AFG3L2: variants seen among roughly 807,000 people sequenced by gnomAD.
AFG3L2 encodes AFG3 like matrix AAA peptidase subunit 2.
Under a neutral mutation model 94.5 loss-of-function variants are expected in AFG3L2, and 54 were observed. The observed-to-expected ratio is 0.57, with a 90% CI of 0.46 to 0.72. AFG3L2 has a LOEUF of 0.72. AFG3L2 is among the 30% of genes least tolerant of loss of function. The probability of loss-of-function intolerance (pLI) is 0.00; values close to 1 mark genes in which losing one functional copy is unlikely to be tolerated. For synonymous variants in AFG3L2, 377 were observed against 365.5 expected (o/e 1.03, Z -0.36); for missense variants, 754 against 994.9 (o/e 0.76, Z 3.26).
At chr18:12,365,205 G>C (rs1908769040) in intron 5 of AFG3L2, among the ~76,000 whole-genome samples, 1 of 152,178 alleles carries the variant, frequency 6.6e-6, no homozygotes, top group South Asian at 2.1e-4. Context: ...GACTGGCACT[G>C]CTCCACCCCA....
At chr18:12,333,272 A>G (rs1401003549) in intron 16 of AFG3L2, among the ~76,000 whole-genome samples, 2 of 126,956 alleles carry the variant, frequency 1.6e-5, no homozygotes, top group Non-Finnish European at 1.6e-5. Context: ...TATATTATAA[A>G]TATAGATTAT....
chr18:12,375,067 AAAAAG>A (rs922501379), intron 1 of AFG3L2, among the ~76,000 whole-genome samples: 11 of 151,326 alleles, frequency 7.3e-5, no homozygotes, highest in Non-Finnish European at 1.5e-4. Context: ...AAAAAAAAAA[AAAAAG>A]AAAAGAAAAG....
At chr18:12,352,292 G>A (rs1482450305) in intron 10 of AFG3L2, among the ~76,000 whole-genome samples, 1 of 152,180 alleles carries the variant, frequency 6.6e-6, no homozygotes, top group South Asian at 2.1e-4. Flanking sequence ...GCGGGACGGA[G>A]GAGGCTTTCT....
At chr18:12,354,311 A>C (rs1908422880) in intron 9 of AFG3L2, among the ~76,000 whole-genome samples, 1 of 151,996 alleles carries the variant, frequency 6.6e-6, no homozygotes, top group Non-Finnish European at 1.5e-5. Flanking sequence ...CATCCATCCC[A>C]TCCCGGCATG....
chr18:12,364,961 C>T (rs932647964), intron 5 of AFG3L2, among the ~76,000 whole-genome samples: 5 of 152,186 alleles, frequency 3.3e-5, no homozygotes, highest in East Asian at 1.9e-4. Flanking sequence ...TGAGCCACCA[C>T]GGCCAGCCTA....
rs143902541 is a variant in AFG3L2 at position 12,351,553 on chromosome 18, T to G, written c.1319-140A>C. The stretch of plus-strand genomic sequence containing the variant: ...ATTCATTATCTAGTGTTTTTTGTTT[T>G]TTTTTTTTTTGAGACGGAGTTTCAC... On this transcript the variant is annotated intron_variant, in intron 10 of 16. Transcript: ENST00000269143. The G allele has an allele frequency of 1.0e-3, 823 of 813,228 alleles. 7 individuals carry two copies. The East Asian group carries it at 0.02, about 20-fold the overall frequency. The allele number at this position is 813,228 out of a possible 1,614,324, so 50.4% of individuals were successfully genotyped here. A position where few individuals can be genotyped will look rare whatever the true frequency, so the allele number is the denominator to read the frequency against.
intron 1 of AFG3L2, among the ~76,000 whole-genome samples, chr18:12,374,232 C>T (rs1043001227): frequency 6.6e-6 from 1 of 152,142 alleles, no homozygotes; most frequent in Non-Finnish European, 1.5e-5. Flanking sequence ...GTCTAGCATT[C>T]AAAGAATAAT....
intron 9 of AFG3L2, among the ~76,000 whole-genome samples, chr18:12,355,733 A>T (rs1908473605): frequency 6.6e-6 from 1 of 150,714 alleles, no homozygotes; most frequent in Non-Finnish European, 1.5e-5. Flanking sequence ...CAGTGGCGTG[A>T]TCTCAGCTCA....
intron 6 of AFG3L2, among the ~76,000 whole-genome samples, chr18:12,360,635 T>G (rs940859087): frequency 6.6e-6 from 1 of 152,150 alleles, no homozygotes; most frequent in Non-Finnish European, 1.5e-5. Flanking sequence ...CTCTTTATTC[T>G]CTAGAGCTGC....
At chr18:12,365,429 T>C (rs907811443) in intron 5 of AFG3L2, among the ~76,000 whole-genome samples, 1 of 152,106 alleles carries the variant, frequency 6.6e-6, no homozygotes, top group Non-Finnish European at 1.5e-5. Context: ...CTCACTTTCA[T>C]AAGATAAACA....
intron 16 of AFG3L2, among the ~76,000 whole-genome samples, chr18:12,332,752 T>A (rs1013083769): frequency 1.3e-5 from 2 of 149,600 alleles, no homozygotes; most frequent in Non-Finnish European, 3.0e-5. Flanking sequence ...GCTCTGATTT[T>A]AAAAATATAT....
At chr18:12,350,851 G>C (rs1908292121) in intron 12 of AFG3L2, among the ~76,000 whole-genome samples, 1 of 152,178 alleles carries the variant, frequency 6.6e-6, no homozygotes, top group Non-Finnish European at 1.5e-5. Flanking sequence ...ACAAGGCTGA[G>C]ACAGGAGGAT....
chr18:12,356,608 G>A (rs1246131027), intron 9 of AFG3L2, 86 bp downstream of exon 9: 5 of 1,586,406 alleles, frequency 3.2e-6, no homozygotes, highest in Non-Finnish European at 4.3e-6. Flanking sequence ...ACTCTAGGGG[G>A]AAGGGCCATC....
chr18:12,345,536 G>C (rs1282753994), intron 13 of AFG3L2, among the ~76,000 whole-genome samples: 1 of 152,220 alleles, frequency 6.6e-6, no homozygotes, highest in Non-Finnish European at 1.5e-5. Flanking sequence ...CAAAACAGGA[G>C]TTAAGTCTGT....
intron 15 of AFG3L2, among the ~76,000 whole-genome samples, chr18:12,339,157 C>T (rs569660453): frequency 7.6e-6 from 1 of 131,534 alleles, no homozygotes; most frequent in African/African-American, 2.9e-5. Flanking sequence ...AGGAGAATGG[C>T]GTGAACCTGG....
chr18:12,368,386 A>C (rs1176396411), intron 3 of AFG3L2, among the ~76,000 whole-genome samples: 1 of 151,996 alleles, frequency 6.6e-6, no homozygotes, highest in Admixed American at 6.6e-5. Flanking sequence ...AAACAAAACA[A>C]AAGTAAGTAC....
intron 12 of AFG3L2, 25 bp downstream of exon 12, chr18:12,351,060 A>G (rs754078029): frequency 6.2e-7 from 1 of 1,612,104 alleles, no homozygotes; most frequent in Non-Finnish European, 8.5e-7. Flanking sequence ...GCTTCTAAAT[A>G]GGGTCCTCGT....
intron 12 of AFG3L2, among the ~76,000 whole-genome samples, chr18:12,349,228 A>T (rs1908235681): frequency 1.3e-5 from 2 of 152,330 alleles, no homozygotes; most frequent in African/African-American, 4.8e-5. Context: ...GCCAAATCAC[A>T]CCAGCTAGGA....
intron 13 of AFG3L2, among the ~76,000 whole-genome samples, chr18:12,345,543 C>G (rs1166290356): frequency 6.6e-6 from 1 of 152,230 alleles, no homozygotes; most frequent in African/African-American, 2.4e-5. Flanking sequence ...GGAGTTAAGT[C>G]TGTCTGCCGA....
Sources: allele counts gnomAD v4.1 joint callset (sites outside exome capture counted in the v4.1 genomes callset), GRCh38; gene constraint gnomAD v4.1.1; transcripts MANE v1.5; gene names NCBI Gene and HGNC (gene_info 2026-07-23, HGNC 2026-07-21).